Variants in THSD4 observed in about 807,000 individuals in gnomAD.
The protein encoded by THSD4 is thrombospondin type-1 domain-containing protein 4.
Under a neutral mutation model 119.0 loss-of-function variants are expected in THSD4, and 69 were observed. The observed-to-expected ratio is 0.58, with a 90% confidence interval of 0.48 to 0.71. The LOEUF is 0.71. Among genes scored for constraint, THSD4 ranks in the 30% least tolerant of loss-of-function variants. THSD4 has a pLI of 0.00. For synonymous variants in THSD4, 524 were observed against 540.4 expected, an observed-to-expected ratio of 0.97 and a Z score of 0.42; for missense variants, 1,393 against 1,391.1, an observed-to-expected ratio of 1.00 and a Z score of -0.02.
intron 7 of THSD4, among the ~76,000 whole-genome samples, chr15:71,590,452 G>A (rs912684488): frequency 1.5e-5 from 2 of 133,950 alleles, no homozygotes; most frequent in African/African-American, 5.2e-5. Flanking sequence ...GCAAACTAAC[G>A]CAGGAACAGA....
At chr15:71,751,730 C>A (rs2053451504) in intron 14 of THSD4, among the ~76,000 whole-genome samples, 1 of 151,990 alleles carries the variant, frequency 6.6e-6, no homozygotes, top group African/African-American at 2.4e-5. Context: ...TGCAGTGGCA[C>A]AATCATGGCT....
At chr15:71,098,439 A>G (rs1013034126) in intron 1 of THSD4, among the ~76,000 whole-genome samples, 1 of 151,892 alleles carries the variant, frequency 6.6e-6, no homozygotes, top group African/African-American at 2.4e-5. Flanking sequence ...TAATTTGTGT[A>G]TTTTTGTAGA....
At chr15:71,355,654 C>G (rs142731955) in intron 6 of THSD4, among the ~76,000 whole-genome samples, 1,632 of 152,090 alleles carry the variant, frequency 0.011, 28 homozygotes, top group African/African-American at 0.038. Context: ...CAGGCTTGGC[C>G]CCTGCTCAGC....
At chr15:71,390,346 C>T (rs746381641) in intron 6 of THSD4, among the ~76,000 whole-genome samples, 1 of 152,084 alleles carries the variant, frequency 6.6e-6, no homozygotes, top group Non-Finnish European at 1.5e-5. Context: ...TTTAGCTGGA[C>T]AAGGAAACCA....
intron 4 of THSD4, among the ~76,000 whole-genome samples, chr15:71,239,615 G>C (rs2140271835): frequency 6.6e-6 from 1 of 152,322 alleles, no homozygotes; most frequent in East Asian, 1.9e-4. Flanking sequence ...AGCACCTAAA[G>C]TAAAATCCCA....
chr15:71,344,306 G>A (rs551451418), intron 6 of THSD4, among the ~76,000 whole-genome samples: 2 of 152,158 alleles, frequency 1.3e-5, no homozygotes, highest in African/African-American at 4.8e-5. Context: ...GCCCCCCAAA[G>A]TACTGGGATT....
At chr15:71,676,690 T>A (rs916323352) in intron 8 of THSD4, among the ~76,000 whole-genome samples, 60 of 152,314 alleles carry the variant, frequency 3.9e-4, no homozygotes, top group African/African-American at 1.3e-3. Context: ...CACTGACCTA[T>A]TCTAGGAACC....
At chr15:71,235,101 AT>A (rs1217995220) in intron 4 of THSD4, among the ~76,000 whole-genome samples, 1 of 152,246 alleles carries the variant, frequency 6.6e-6, no homozygotes, top group African/African-American at 2.4e-5. Flanking sequence ...GTCATTGTGA[AT>A]TACATCTCCC....
rs115109700 is a variant in THSD4 at position 71,464,217 on chromosome 15, A to G, written c.1152+52394A>G. 1.5e-3 allele frequency among the ~76,000 whole-genome samples: 232 copies of G among 152,232 alleles called. 1 individual carries two copies. Among genetic ancestry groups the G allele is most frequent in the African/African-American group, 5.3e-3 (222 of 41,518 alleles). On this transcript the variant is annotated intron_variant, in intron 7 of 17. Coordinates refer to ENST00000261862, the MANE Select transcript of THSD4 (RefSeq NM_024817.3). Reference sequence around the variant, plus strand: ...TCAGGATGTGACTTCCATCGGACCAATCACCATGGGTAGGATATACATTGC... The same window carrying G: ...TCAGGATGTGACTTCCATCGGACCAGTCACCATGGGTAGGATATACATTGC...
intron 6 of THSD4, among the ~76,000 whole-genome samples, chr15:71,401,535 A>G (rs1892168016): frequency 6.6e-6 from 1 of 152,180 alleles, no homozygotes; most frequent in South Asian, 2.1e-4. Context: ...AATAATACTT[A>G]TATTGTTAAT....
intron 7 of THSD4, among the ~76,000 whole-genome samples, chr15:71,524,958 C>G (rs1461310888): frequency 6.6e-6 from 1 of 150,898 alleles, no homozygotes; most frequent in Non-Finnish European, 1.5e-5. Context: ...CTCCCTCCCT[C>G]CCTTGTCCAT....
At chr15:71,144,280 C>A (rs1596222553) in intron 2 of THSD4, among the ~76,000 whole-genome samples, 1 of 152,028 alleles carries the variant, frequency 6.6e-6, no homozygotes, top group Non-Finnish European at 1.5e-5. Flanking sequence ...TTTTTAGGGC[C>A]ATGTAAATAT....
rs547779348 is a variant in THSD4, at chr15:71,447,946, A to G, written c.1152+36123A>G. Among the ~76,000 whole-genome samples, 26 of 152,332 alleles carry G rather than the reference A, an allele frequency of 1.7e-4. No individual in the cohort carries two copies. In the South Asian group the frequency reaches 5.4e-3, roughly 32 times the overall value. On this transcript the variant is annotated intron_variant, in intron 7 of 17. Coordinates refer to ENST00000261862, the MANE Select transcript of THSD4 (RefSeq NM_024817.3). ...AGGCAAAAAGAAGGACTAAAGGTAC[A>G]GGTTACTTGTCAATTGAATCTGTGG...
At chr15:71,111,294 C>T (rs904940210), upstream of THSD4, 2 of 1,613,996 alleles carry the variant, frequency 1.2e-6, no homozygotes, top group African/African-American at 2.7e-5. Flanking sequence ...CGTCTGGAAA[C>T]CATTTTGCTC....
chr15:71,699,724 A>G (rs1595874116), intron 8 of THSD4, among the ~76,000 whole-genome samples: 2 of 152,276 alleles, frequency 1.3e-5, no homozygotes, highest in African/African-American at 2.4e-5. Flanking sequence ...TATTAATATG[A>G]CGGTCTTTGT....
intron 7 of THSD4, among the ~76,000 whole-genome samples, chr15:71,564,178 G>T (rs1338118566): frequency 6.6e-6 from 1 of 152,184 alleles, no homozygotes; most frequent in Non-Finnish European, 1.5e-5. Flanking sequence ...GAGGTAAGAT[G>T]CCCTATTCCT....
intron 8 of THSD4, among the ~76,000 whole-genome samples, chr15:71,689,149 T>G (rs970954133): frequency 6.6e-6 from 1 of 152,228 alleles, no homozygotes; most frequent in Non-Finnish European, 1.5e-5. Context: ...CAAGATATAC[T>G]AATAATTCTA....
At position 71,215,316 on chromosome 15, in the gene THSD4, G is replaced by A. The variant is rs2043923419; in HGVS notation, c.381G>A (p.Thr127=). Residue 127 remains threonine (T), a synonymous_variant, in exon 4 of 18, where the codon ACG becomes ACA. Transcript: ENST00000261862. ...SRDETPALAG[T]DASRQGPTVL... ...ACGAGACGCCAGCGCTGGCCGGTAC[G>A]GACGCCAGCCGCCAGGGCCCCACGG... 3 of 1,529,284 alleles carry A rather than the reference G, an allele frequency of 2.0e-6. No individual in the cohort carries two copies. The highest frequency in any genetic ancestry group is 2.8e-5 in the African/African-American group (2 of 72,290). 94.7% of individuals were successfully genotyped at this position (1,529,284 alleles called of 1,614,324 possible).
chr15:71,648,526 GT>G (rs1012645381), intron 7 of THSD4, among the ~76,000 whole-genome samples: 3 of 152,110 alleles, frequency 2.0e-5, no homozygotes, highest in Admixed American at 1.3e-4. Context: ...TTTTCTTTAA[GT>G]TTTTTGTTGT....
Sources: gnomAD v4.1 joint callset for allele counts (sites outside exome capture counted in the v4.1 genomes callset) on GRCh38, gnomAD v4.1.1 for gene constraint, MANE v1.5 for transcripts, NCBI Gene and HGNC (gene_info 2026-07-23, HGNC 2026-07-21) for gene names.